The following HS6ST3 variants were observed in gnomAD, a reference collection of about 807,000 sequenced individuals.
HS6ST3 encodes heparan-sulfate 6-O-sulfotransferase 3.
HS6ST3 carries 12 observed loss-of-function variants against 36.7 expected under a neutral mutation model. The ratio of observed to expected loss-of-function variants is 0.33; its 90% confidence interval spans 0.21 to 0.53. The LOEUF (loss-of-function observed/expected upper bound fraction) is 0.53. HS6ST3 is among the 20% of genes least tolerant of loss of function. HS6ST3 has a pLI of 0.95. For synonymous variants in HS6ST3, 240 were observed against 257.5 expected (o/e 0.93, Z 0.65); for missense variants, 584 against 640.9 (o/e 0.91, Z 0.96).
intron 1 of HS6ST3, among the ~76,000 whole-genome samples, chr13:96,631,770 T>G (rs953885081): frequency 2.0e-5 from 3 of 152,232 alleles, no homozygotes; most frequent in African/African-American, 7.2e-5. Flanking sequence ...AATTCGCTTT[T>G]GTAGGGATGT....
intron 1 of HS6ST3, among the ~76,000 whole-genome samples, chr13:96,394,583 C>G (rs2389665): frequency 0.83 from 125,489 of 151,942 alleles, 52,182 homozygotes; most frequent in Non-Finnish European, 0.87. Context: ...GTGTTATGGA[C>G]CGTATCTGGT....
At chr13:96,788,533 G>A (rs1877708455) in intron 1 of HS6ST3, among the ~76,000 whole-genome samples, 1 of 151,832 alleles carries the variant, frequency 6.6e-6, no homozygotes, top group Admixed American at 6.6e-5. Flanking sequence ...TCTTTATGGA[G>A]TGTTCTACAA....
chr13:96,304,248 A>G lies in HS6ST3; in HGVS notation c.707+212679A>G, dbSNP rs189100334. 6.6e-5 allele frequency among the ~76,000 whole-genome samples: 10 copies of G among 152,110 alleles called. No homozygotes were observed. In the East Asian group the frequency reaches 1.7e-3, roughly 26 times the overall value. On this transcript the variant is annotated intron_variant, in intron 1 of 1. Transcript: ENST00000376705. ...TGATTGGCCCTCACGTTACTAGGTT[A>G]GTCATTGATTATTTCTTGGATTATT...
At chr13:96,436,364 T>A (rs1200383769) in intron 1 of HS6ST3, among the ~76,000 whole-genome samples, 1 of 152,240 alleles carries the variant, frequency 6.6e-6, no homozygotes, top group Admixed American at 6.5e-5. Flanking sequence ...TTTTAAAAGT[T>A]GAATTTCATA....
chr13:96,360,563 T>C (rs1328428099), intron 1 of HS6ST3, among the ~76,000 whole-genome samples: 1 of 151,426 alleles, frequency 6.6e-6, no homozygotes, highest in Non-Finnish European at 1.5e-5. Context: ...ACACTTCTAT[T>C]GATACCAAGG....
chr13:96,178,656 A>T (rs1357198307), intron 1 of HS6ST3, among the ~76,000 whole-genome samples: 7 of 152,114 alleles, frequency 4.6e-5, no homozygotes, highest in Admixed American at 3.3e-4. Context: ...TCTACCTGAG[A>T]TCTCTTAGGT....
chr13:96,522,765 T>A (rs1594799371), intron 1 of HS6ST3, among the ~76,000 whole-genome samples: 1 of 152,286 alleles, frequency 6.6e-6, no homozygotes, highest in African/African-American at 2.4e-5. Context: ...TCTTTGCACA[T>A]GAGATAGGTC....
intron 1 of HS6ST3, among the ~76,000 whole-genome samples, chr13:96,255,651 T>C (rs1448869630): frequency 6.6e-6 from 1 of 152,210 alleles, no homozygotes; most frequent in Non-Finnish European, 1.5e-5. Flanking sequence ...TTGTGGACTT[T>C]CATGGAGACT....
At chr13:96,166,609 G>T (rs11616566) in intron 1 of HS6ST3, among the ~76,000 whole-genome samples, 3,378 of 99,010 alleles carry the variant, frequency 0.034, 51 homozygotes, top group East Asian at 0.068. Flanking sequence ...ACAGGGTTTT[G>T]CTGTGTTGAC....
chr13:96,618,115 T>G lies in HS6ST3; in HGVS notation c.708-214375T>G, dbSNP rs185005232. On this transcript the variant is annotated intron_variant, in intron 1 of 1. Transcript: ENST00000376705. ...CTCAGGTTCTTTTGTTTGTTTGTTTTAAGAGATGGGGTTTCACTGTGTTGC... is the reference window on the plus strand; with the variant it reads ...CTCAGGTTCTTTTGTTTGTTTGTTTGAAGAGATGGGGTTTCACTGTGTTGC... Among the ~76,000 whole-genome samples, 700 of 152,266 alleles carry G rather than the reference T, an allele frequency of 4.6e-3. 18 individuals are homozygous for G. The highest frequency in any genetic ancestry group is 2.5e-3 in the Non-Finnish European group (172 of 68,020).
chr13:96,387,488 TG>T (rs554225945), intron 1 of HS6ST3, among the ~76,000 whole-genome samples: 4 of 152,242 alleles, frequency 2.6e-5, no homozygotes, highest in Non-Finnish European at 5.9e-5. Flanking sequence ...CTGTGTATGG[TG>T]GTTAAAACAT....
At chr13:96,540,560 C>A (rs575361604) in intron 1 of HS6ST3, among the ~76,000 whole-genome samples, 8 of 152,256 alleles carry the variant, frequency 5.3e-5, no homozygotes, top group Admixed American at 5.2e-4. Flanking sequence ...GGCAAAGGAG[C>A]CTTTATCAGC....
intron 1 of HS6ST3, among the ~76,000 whole-genome samples, chr13:96,126,967 A>G (rs1041096131): frequency 2.9e-4 from 44 of 152,152 alleles, no homozygotes; most frequent in Non-Finnish European, 5.1e-4. Flanking sequence ...GGGCCTATAA[A>G]GGTGATCCCT....
chr13:96,625,834 C>A (rs999344101), intron 1 of HS6ST3, among the ~76,000 whole-genome samples: 2 of 150,544 alleles, frequency 1.3e-5, no homozygotes, highest in East Asian at 3.9e-4. Flanking sequence ...AAGAGAAATT[C>A]TTCTTCTTTT....
chr13:96,257,968 A>G (rs923042939), intron 1 of HS6ST3, among the ~76,000 whole-genome samples: 7 of 152,190 alleles, frequency 4.6e-5, no homozygotes, highest in African/African-American at 7.2e-5. Flanking sequence ...TGAATTTTGC[A>G]GGGATGCCAG....
intron 1 of HS6ST3, among the ~76,000 whole-genome samples, chr13:96,125,452 C>A (rs77123391): frequency 0.02 from 3,055 of 152,218 alleles, 88 homozygotes; most frequent in African/African-American, 0.068. Context: ...GCTTCATAAA[C>A]CAACCTCATT....
intron 1 of HS6ST3, among the ~76,000 whole-genome samples, chr13:96,781,505 A>G (rs1877527089): frequency 6.6e-6 from 1 of 152,258 alleles, no homozygotes; most frequent in Non-Finnish European, 1.5e-5. Flanking sequence ...TATTCATGAC[A>G]GTTCCTCACT....
chr13:96,722,272 A>G (rs921057407), intron 1 of HS6ST3, among the ~76,000 whole-genome samples: 3 of 152,140 alleles, frequency 2.0e-5, no homozygotes, highest in African/African-American at 7.2e-5. Context: ...CTAAAAAAAA[A>G]AGAAAGAAAG....
At chr13:96,230,243 A>AT (rs1250966490) in intron 1 of HS6ST3, among the ~76,000 whole-genome samples, 1 of 152,154 alleles carries the variant, frequency 6.6e-6, no homozygotes, top group East Asian at 1.9e-4. Flanking sequence ...GGGCAACAGG[A>AT]TATGGCAGGG....
Sources: allele counts gnomAD v4.1 joint callset (sites outside exome capture counted in the v4.1 genomes callset), GRCh38; gene constraint gnomAD v4.1.1; transcripts MANE v1.5; gene names NCBI Gene and HGNC (gene_info 2026-07-23, HGNC 2026-07-21).